The following ALMS1 variants were observed in gnomAD, a reference collection of about 807,000 sequenced individuals.
ALMS1 encodes the protein ALMS1 centrosome and basal body associated protein, also known as centrosome-associated protein ALMS1.
In ALMS1, 271 loss-of-function variants were observed where a neutral mutation model predicts 352.2. The ratio of observed to expected loss-of-function variants is 0.77; its 90% CI spans 0.70 to 0.85. ALMS1 has a LOEUF of 0.85. Among genes scored for constraint, ALMS1 ranks in the 40% least tolerant of loss-of-function variants. The pLI, the probability that ALMS1 is intolerant of heterozygous loss-of-function variation, is 0.00. For missense variants in ALMS1, 5,445 were observed against 4,870.7 expected (o/e 1.12, Z -3.51); for synonymous variants, 1,865 against 1,761.2 (o/e 1.06, Z -1.48).
chr2:73,566,761 C>G (rs566076459), intron 15 of ALMS1, among the ~76,000 whole-genome samples: 2 of 152,320 alleles, frequency 1.3e-5, no homozygotes, highest in East Asian at 3.9e-4. Context: ...AATTGCATGG[C>G]TTGGCCTCCT....
chr2:73,534,993 A>T (rs765404451), intron 12 of ALMS1, 44 bp downstream of exon 12: 10 of 1,609,884 alleles, frequency 6.2e-6, no homozygotes, highest in African/African-American at 1.3e-5. Context: ...TTGATATTTT[A>T]TTTGTGTATT....
In ALMS1 at chr2:73,453,444, C is replaced by T; in HGVS notation, c.6917C>T (p.Pro2306Leu). The change falls in exon 8 of 23, where the codon CCC (proline) becomes CTC (leucine). Residue 2306 changes from proline to leucine, a missense_variant. By Grantham distance (98) the Pro-to-Leu change is moderately conservative. Transcript: ENST00000613296. ...AAGAAGGTGGTTTGCTTCAAAGAAC[C>T]CTCTTCCACGGGTGTATCTAATGGT... ...QSKKVVCFKE[P>L]SSTGVSNGDL... is the part of the protein sequence containing the mutation. 6.2e-7 allele frequency: 1 copy of T among 1,613,034 alleles called. No homozygotes were observed. Among genetic ancestry groups the T allele is most frequent in the South Asian group, 1.1e-5 (1 of 91,042 alleles).
At chr2:73,426,110 A>G (rs1671372971) in intron 5 of ALMS1, among the ~76,000 whole-genome samples, 1 of 152,230 alleles carries the variant, frequency 6.6e-6, no homozygotes, top group Admixed American at 6.5e-5. Flanking sequence ...TATCATGTGA[A>G]AGTATTAACT....
At position 73,419,188 on chromosome 2, in the gene ALMS1, G is replaced by T. The variant is rs767428243; in HGVS notation, c.516G>T (p.Gln172His). 21 of 1,614,024 alleles carry T rather than the reference G, an allele frequency of 1.3e-5. No homozygotes were observed. The highest frequency in any genetic ancestry group is 1.7e-5 in the Non-Finnish European group (20 of 1,179,940). ...MDSSQTLDTS[Q>H]TRFNVRTEDT... ...CTTCCCAAACCTTGGATACATCCCA[G>T]ACTAGGTTTAATGTGAGAACGGAAG... Residue 172 changes from glutamine to histidine, a missense_variant, in exon 3 of 23, where the codon CAG (glutamine) becomes CAT (histidine). By Grantham distance (24) the Gln-to-His change is conservative. Transcript: ENST00000613296.
chr2:73,400,007 G>T (rs1670841977), intron 1 of ALMS1, among the ~76,000 whole-genome samples: 1 of 139,524 alleles, frequency 7.2e-6, no homozygotes, highest in African/African-American at 2.7e-5. Flanking sequence ...TTGCCATCTT[G>T]GCTCACTGCA....
intron 15 of ALMS1, among the ~76,000 whole-genome samples, chr2:73,561,638 T>G (rs1199005772): frequency 1.4e-5 from 2 of 147,350 alleles, no homozygotes; most frequent in Non-Finnish European, 2.9e-5. Flanking sequence ...GATGAAAGAG[T>G]TAGAGATTGT....
chr2:73,598,666 C>T (rs575975977), intron 16 of ALMS1, among the ~76,000 whole-genome samples: 1 of 152,230 alleles, frequency 6.6e-6, no homozygotes, highest in Non-Finnish European at 1.5e-5. Flanking sequence ...ATTACCAGAC[C>T]CCTCCCCTAG....
intron 1 of ALMS1, among the ~76,000 whole-genome samples, chr2:73,402,960 A>G (rs545848263): frequency 1.8e-4 from 28 of 152,286 alleles, no homozygotes; most frequent in African/African-American, 6.5e-4. Context: ...TATGGTTTGC[A>G]GATATTTTCT....
intron 7 of ALMS1, among the ~76,000 whole-genome samples, chr2:73,433,548 A>T (rs1671552141): frequency 6.6e-6 from 1 of 152,190 alleles, no homozygotes; most frequent in African/African-American, 2.4e-5. Flanking sequence ...GATGAAATCC[A>T]TTAAATAGCC....
intron 10 of ALMS1, among the ~76,000 whole-genome samples, chr2:73,492,103 A>G (rs1673002848): frequency 6.6e-6 from 1 of 152,198 alleles, no homozygotes; most frequent in Non-Finnish European, 1.5e-5. Flanking sequence ...AACCCAATTC[A>G]GGGATAAGTT....
rs375330698 is a variant in ALMS1 at position 73,572,519 on chromosome 2, C to T, written c.10642C>T (p.Leu3548Phe). The change falls in exon 16 of 23, where the codon CTC (leucine) becomes TTC (phenylalanine). Residue 3548 changes from leucine to phenylalanine, a missense_variant. Physicochemically the swap from Leu to Phe is conservative, Grantham distance 22 (BLOSUM62 0). Coordinates refer to ENST00000613296, the MANE Select transcript of ALMS1 (RefSeq NM_001378454.1). Reference sequence around the variant, plus strand: ...GACAGATTATACCAGAATAAAGAGCCTCAGCATCAATGTGAATTTGGGAAA... The same window carrying T: ...GACAGATTATACCAGAATAAAGAGCTTCAGCATCAATGTGAATTTGGGAAA... ...TKTDYTRIKS[L>F]SINVNLGNKE... 6.2e-7 allele frequency: 1 copy of T among 1,613,670 alleles called. No individual in the cohort carries two copies. The highest frequency in any genetic ancestry group is 8.5e-7 in the Non-Finnish European group (1 of 1,179,942).
At chr2:73,476,746 A>G (rs1037911441) in intron 9 of ALMS1, among the ~76,000 whole-genome samples, 9 of 151,848 alleles carry the variant, frequency 5.9e-5, no homozygotes, top group Non-Finnish European at 7.4e-5. Flanking sequence ...ATTTTTGCCT[A>G]TCTTTGAATC....
Position 73,452,000 on chromosome 2 carries a change from G to A in ALMS1, c.5473G>A (p.Glu1825Lys). 1 of 1,613,486 alleles carries A rather than the reference G, an allele frequency of 6.2e-7. No homozygotes were observed. The highest frequency in any genetic ancestry group is 1.7e-4 in the Middle Eastern group (1 of 6,058). Residue 1825 changes from glutamate (E) to lysine (K), a missense_variant, in exon 8 of 23, where the codon GAA (glutamate) becomes AAA (lysine). Transcript: ENST00000613296. ...SYQRELPHFTEAGLKILRVPG... is the reference protein window; with the variant it reads ...SYQRELPHFTKAGLKILRVPG... ...CCAGCGAGAGTTGCCGCATTTTACT[G>A]AAGCAGGTTTGAAAATTTTAAGAGT... is the stretch of plus-strand genomic sequence containing the variant.
intron 11 of ALMS1, among the ~76,000 whole-genome samples, chr2:73,534,536 A>G (rs557108819): frequency 2.0e-5 from 3 of 152,174 alleles, no homozygotes; most frequent in South Asian, 2.1e-4. Context: ...TTAAACCCCA[A>G]TTTCTCCTGT....
intron 10 of ALMS1, among the ~76,000 whole-genome samples, chr2:73,501,764 T>C (rs1335588265): frequency 4.6e-5 from 7 of 152,166 alleles, no homozygotes; most frequent in African/African-American, 1.7e-4. Context: ...TTATTTTTGC[T>C]ATTTCAAGTC....
At chr2:73,578,342 C>G (rs1453098387) in intron 16 of ALMS1, among the ~76,000 whole-genome samples, 1 of 152,102 alleles carries the variant, frequency 6.6e-6, no homozygotes, top group Non-Finnish European at 1.5e-5. Context: ...GCCCTCTCTG[C>G]CTTTTAATTG....
intron 15 of ALMS1, among the ~76,000 whole-genome samples, chr2:73,562,547 C>A (rs1278328228): frequency 6.6e-6 from 1 of 151,970 alleles, no homozygotes; most frequent in Non-Finnish European, 1.5e-5. Flanking sequence ...CAAACTTCAC[C>A]TTTAAAGTTG....
intron 17 of ALMS1, 108 bp from the exon 18 acceptor site, chr2:73,600,570 G>A (rs1195935404): frequency 4.9e-6 from 5 of 1,029,926 alleles, no homozygotes; most frequent in Non-Finnish European, 7.1e-6. Flanking sequence ...CCCACACAAA[G>A]GGATTGTATT....
At chr2:73,405,017 T>A (rs1227025611) in intron 1 of ALMS1, among the ~76,000 whole-genome samples, 1 of 145,800 alleles carries the variant, frequency 6.9e-6, no homozygotes, top group East Asian at 2.1e-4. Context: ...GCTCAAGCAG[T>A]CCTCCTACCT....
Sources: allele counts gnomAD v4.1 joint callset (sites outside exome capture counted in the v4.1 genomes callset), GRCh38; gene constraint gnomAD v4.1.1; transcripts MANE v1.5; gene names NCBI Gene and HGNC (gene_info 2026-07-23, HGNC 2026-07-21).